Variants in CRY1 observed in about 807,000 individuals in gnomAD.
The protein encoded by CRY1 is cryptochrome circadian regulator 1.
CRY1 carries 45 observed loss-of-function variants against 76.0 expected under a neutral mutation model. The ratio of observed to expected loss-of-function variants is 0.59; its 90% CI spans 0.47 to 0.76. The LOEUF (loss-of-function observed/expected upper bound fraction) is 0.76, where lower values mean the gene tolerates loss of function less well. CRY1 is among the 30% of genes least tolerant of loss of function. The probability of loss-of-function intolerance (pLI) is 0.00; values close to 1 mark genes in which losing one functional copy is unlikely to be tolerated. For missense variants in CRY1, 587 were observed against 716.4 expected (o/e 0.82, Z 2.06); for synonymous variants, 248 against 244.0 (o/e 1.02, Z -0.15).
intron 1 of CRY1, among the ~76,000 whole-genome samples, chr12:107,035,547 T>G (rs1376317825): frequency 6.6e-6 from 1 of 152,242 alleles, no homozygotes; most frequent in African/African-American, 2.4e-5. Context: ...ATATAGGTAC[T>G]TCCTCCATTT....
intron 5 of CRY1, among the ~76,000 whole-genome samples, chr12:107,000,888 G>T (rs1461560485): frequency 1.3e-5 from 2 of 152,140 alleles, no homozygotes; most frequent in African/African-American, 4.8e-5. Context: ...GACCTCAAGT[G>T]ATCCACCTGC....
chr12:107,016,011 A>G (rs573694011), intron 2 of CRY1, among the ~76,000 whole-genome samples: 1 of 152,210 alleles, frequency 6.6e-6, no homozygotes, highest in Admixed American at 6.5e-5. Context: ...GAACAACTAA[A>G]TGAATATAAA....
intron 1 of CRY1, among the ~76,000 whole-genome samples, chr12:107,062,729 T>A (rs1223379665): frequency 6.6e-6 from 1 of 152,218 alleles, no homozygotes; most frequent in Non-Finnish European, 1.5e-5. Context: ...TTAACAGTAC[T>A]GACTCTTTTA....
At chr12:107,062,752 T>C (rs1231531386) in intron 1 of CRY1, among the ~76,000 whole-genome samples, 1 of 152,188 alleles carries the variant, frequency 6.6e-6, no homozygotes, top group Admixed American at 6.5e-5. Flanking sequence ...TTGTATACCA[T>C]GAATACAGGA....
intron 1 of CRY1, among the ~76,000 whole-genome samples, chr12:107,044,688 C>T (rs1952831331): frequency 1.3e-5 from 2 of 151,968 alleles, no homozygotes; most frequent in South Asian, 4.1e-4. Context: ...ATAAAAAGAA[C>T]CAAACAAAAA....
intron 1 of CRY1, among the ~76,000 whole-genome samples, chr12:107,062,129 C>T (rs938683489): frequency 2.6e-5 from 4 of 151,140 alleles, no homozygotes; most frequent in Non-Finnish European, 5.9e-5. Context: ...GGCTCTATTC[C>T]GGAAACTAAA....
At chr12:107,056,587 T>C (rs561931261) in intron 1 of CRY1, among the ~76,000 whole-genome samples, 1 of 152,234 alleles carries the variant, frequency 6.6e-6, no homozygotes, top group Admixed American at 6.5e-5. Flanking sequence ...AGACTTTTTT[T>C]TTTTTAAGCT....
intron 1 of CRY1, among the ~76,000 whole-genome samples, chr12:107,024,845 T>C (rs1565828616): frequency 1.3e-5 from 2 of 152,206 alleles, no homozygotes; most frequent in African/African-American, 4.8e-5. Flanking sequence ...TCCACAGATA[T>C]AACTTACATC....
At chr12:107,001,030 TTAGG>T (rs1375168017) in intron 5 of CRY1, among the ~76,000 whole-genome samples, 1 of 151,934 alleles carries the variant, frequency 6.6e-6, no homozygotes, top group African/African-American at 2.4e-5. Context: ...AGATACTAGC[TTAGG>T]TAGAAAGAAC....
intron 1 of CRY1, among the ~76,000 whole-genome samples, chr12:107,080,070 G>A (rs1953304151): frequency 6.6e-6 from 1 of 152,022 alleles, no homozygotes; most frequent in Non-Finnish European, 1.5e-5. Flanking sequence ...TTTTATTTCT[G>A]AATAAATCTT....
At chr12:107,060,804 C>T (rs1182835792) in intron 1 of CRY1, among the ~76,000 whole-genome samples, 2 of 152,034 alleles carry the variant, frequency 1.3e-5, no homozygotes, top group Non-Finnish European at 2.9e-5. Flanking sequence ...CAGTGAAACC[C>T]CGTCTCTACT....
At chr12:107,089,425 C>G (rs1329836093) in intron 1 of CRY1, among the ~76,000 whole-genome samples, 2 of 152,102 alleles carry the variant, frequency 1.3e-5, no homozygotes, top group African/African-American at 2.4e-5. Context: ...GCTTCCAACT[C>G]CTGGGCTCAA....
At chr12:107,011,463 TAA>T (rs1426017267) in intron 2 of CRY1, among the ~76,000 whole-genome samples, 3 of 151,596 alleles carry the variant, frequency 2.0e-5, no homozygotes, top group Non-Finnish European at 4.4e-5. Flanking sequence ...TGAAGGAAAT[TAA>T]AAGTGCTACT....
chr12:106,997,682 A>G lies in CRY1; in HGVS notation c.1298T>C (p.Leu433Ser), dbSNP rs746480724. 1 of 1,613,960 alleles carries G rather than the reference A, an allele frequency of 6.2e-7. No homozygotes were observed. The highest frequency in any genetic ancestry group is 1.7e-5 in the Admixed American group (1 of 59,994). ...DPNGDYIRRY[L>S]PVLRGFPAKY... ...TGCAGGGAAGCCTCTTAGGACAGGC[A>G]AATAACGCCTTTGGGAGAAAAAAGA... The change falls in exon 9 of 13, where the codon TTG (leucine) becomes TCG (serine). Residue 433 changes from leucine to serine, a missense_variant. By Grantham distance (145) the Leu-to-Ser change is moderately radical (BLOSUM62 -2). Coordinates refer to ENST00000008527, the MANE Select transcript of CRY1 (RefSeq NM_004075.5).
chr12:107,066,921 TC>T (rs1347133126), intron 1 of CRY1, among the ~76,000 whole-genome samples: 1 of 152,042 alleles, frequency 6.6e-6, no homozygotes, highest in East Asian at 1.9e-4. Flanking sequence ...CACCTCAGCT[TC>T]CTGAGTAGCT....
intron 1 of CRY1, among the ~76,000 whole-genome samples, chr12:107,042,229 C>A (rs116651798): frequency 0.012 from 1,881 of 152,202 alleles, 31 homozygotes; most frequent in African/African-American, 0.043. Context: ...ATAGAAAAAT[C>A]ATCATTAGAA....
At chr12:107,065,552 G>A (rs753559741) in intron 1 of CRY1, among the ~76,000 whole-genome samples, 1 of 151,860 alleles carries the variant, frequency 6.6e-6, no homozygotes, top group Non-Finnish European at 1.5e-5. Context: ...CTGAGATTGC[G>A]CCATTGCACT....
intron 1 of CRY1, among the ~76,000 whole-genome samples, chr12:107,062,413 CAAT>C (rs2136884973): frequency 6.6e-6 from 1 of 152,216 alleles, no homozygotes; most frequent in East Asian, 1.9e-4. Flanking sequence ...CTGAATAAAA[CAAT>C]GTCAGCAATT....
At chr12:107,041,216 A>G (rs1191114075) in intron 1 of CRY1, among the ~76,000 whole-genome samples, 31 of 152,366 alleles carry the variant, frequency 2.0e-4, no homozygotes. Flanking sequence ...CAAAAAAAAA[A>G]AATTCTACTC....
Sources: gnomAD v4.1 joint callset for allele counts (sites outside exome capture counted in the v4.1 genomes callset) on GRCh38, gnomAD v4.1.1 for gene constraint, MANE v1.5 for transcripts, NCBI Gene and HGNC (gene_info 2026-07-23, HGNC 2026-07-21) for gene names.